Variants in CALD1 observed in about 807,000 individuals in gnomAD.
The protein encoded by CALD1 is caldesmon.
A neutral mutation model predicts 99.9 loss-of-function variants in CALD1; 33 were observed. That is an observed-to-expected ratio of 0.33 (90% CI 0.25 to 0.44). The LOEUF (loss-of-function observed/expected upper bound fraction) is 0.44, where lower values mean the gene tolerates loss of function less well. Ranked by LOEUF, CALD1 falls within the 20% of genes least tolerant of loss-of-function variation. CALD1 has a pLI of 1.00. For missense variants in CALD1, 861 were observed against 962.1 expected (o/e 0.89, Z 1.39); for synonymous variants, 310 against 325.0 (o/e 0.95, Z 0.50).
At chr7:134,966,635 T>C (rs866638583) in intron 14 of CALD1, among the ~76,000 whole-genome samples, 5 of 152,190 alleles carry the variant, frequency 3.3e-5, no homozygotes, top group African/African-American at 7.2e-5. Flanking sequence ...ATAGCCTGCA[T>C]TGATACTCCA....
upstream of CALD1, among the ~76,000 whole-genome samples, chr7:134,742,638 G>A (rs1056743704): frequency 6.6e-6 from 1 of 152,200 alleles, no homozygotes; most frequent in Non-Finnish European, 1.5e-5. Context: ...ACCGCAGGCA[G>A]CCCTGAAAGC....
rs1453157508 is a variant in CALD1 at position 134,960,032 on chromosome 7, A to C, written c.2120A>C (p.Glu707Ala). Residue 707 changes from glutamate (E) to alanine (A), a missense_variant, in exon 12 of 15, where the codon GAA becomes GCA. By Grantham distance (107) the Glu-to-Ala change is moderately radical (BLOSUM62 -1). Transcript: ENST00000361675. ...GCCTCGGATCTTCCTGTTCCTGCTG[A>C]AGGTGTACGCAACATCAAGAGTATG... ...PAASDLPVPAEGVRNIKSMWE... is the reference protein window; with the variant it reads ...PAASDLPVPAAGVRNIKSMWE... 6.2e-7 allele frequency: 1 copy of C among 1,614,164 alleles called. No homozygotes were observed. The highest frequency in any genetic ancestry group is 1.1e-5 in the South Asian group (1 of 91,078).
Position 134,797,160 on chromosome 7 carries a change from T to G in CALD1, c.-130+17411T>G, listed in dbSNP as rs2131817045. Among the ~76,000 whole-genome samples, 3 of 152,304 alleles carry G rather than the reference T, an allele frequency of 2.0e-5. No individual in the cohort carries two copies. In the Middle Eastern group the frequency reaches 0.01, roughly 518 times the overall value. On this transcript the variant is annotated intron_variant, in intron 1 of 14. Transcript: ENST00000361675. ...ACACTTGGCTAGTTTAAAAACTTTA[T>G]TTTTTGTAGAGACGAGGTTTCATTA... is the stretch of plus-strand genomic sequence containing the variant.
intron 1 of CALD1, among the ~76,000 whole-genome samples, chr7:134,790,082 GGA>G (rs56962467): frequency 5.2e-4 from 74 of 142,270 alleles, no homozygotes; most frequent in Middle Eastern, 3.5e-3. Context: ...AAAGAAATAA[GGA>G]GAGAGAGAGA....
At chr7:134,731,708 C>T in the CALD1 span, among the ~76,000 whole-genome samples, 4 of 151,980 alleles carry the variant, frequency 2.6e-5, no homozygotes, top group Admixed American at 2.0e-4. Context: ...CTGCTATTGA[C>T]CTTTTTTTGC....
At chr7:134,789,955 A>G (rs1272727007) in intron 1 of CALD1, among the ~76,000 whole-genome samples, 1 of 151,524 alleles carries the variant, frequency 6.6e-6, no homozygotes, top group Non-Finnish European at 1.5e-5. Context: ...AAATCATTTT[A>G]TCTAGTATAG....
chr7:134,756,308 AC>A (rs1482640010), intron 1 of CALD1, among the ~76,000 whole-genome samples: 3 of 149,158 alleles, frequency 2.0e-5, no homozygotes, highest in East Asian at 3.9e-4. Flanking sequence ...ATTAAAAAAA[AC>A]CTAAAACTAA....
chr7:134,853,107 T>G (rs1800147730), intron 2 of CALD1, among the ~76,000 whole-genome samples: 1 of 152,154 alleles, frequency 6.6e-6, no homozygotes, highest in Admixed American at 6.5e-5. Flanking sequence ...GAAGTTAATG[T>G]CTTAACGTGG....
At chr7:134,917,930 T>G (rs1214474224) in intron 3 of CALD1, among the ~76,000 whole-genome samples, 1 of 152,230 alleles carries the variant, frequency 6.6e-6, no homozygotes, top group Non-Finnish European at 1.5e-5. Flanking sequence ...AATAGATATC[T>G]TCTCCACCAT....
chr7:134,920,440 G>C (rs561288361), intron 3 of CALD1: 36 of 935,134 alleles, frequency 3.8e-5, no homozygotes, highest in Non-Finnish European at 4.5e-5. Flanking sequence ...AACCAATAAT[G>C]ATGGGAATCA....
chr7:134,828,104 T>A (rs897140443), intron 1 of CALD1, among the ~76,000 whole-genome samples: 4 of 152,234 alleles, frequency 2.6e-5, no homozygotes, highest in Non-Finnish European at 4.4e-5. Flanking sequence ...GGCACTTTTC[T>A]TACTAAAAAG....
intron 3 of CALD1, among the ~76,000 whole-genome samples, chr7:134,895,742 G>A (rs1311728444): frequency 1.3e-5 from 2 of 152,176 alleles, no homozygotes; most frequent in African/African-American, 2.4e-5. Flanking sequence ...GTAGGCCAAA[G>A]TGTTAAATAT....
chr7:134,841,332 T>C (rs1799639501), intron 1 of CALD1, among the ~76,000 whole-genome samples: 1 of 152,252 alleles, frequency 6.6e-6, no homozygotes, highest in Non-Finnish European at 1.5e-5. Flanking sequence ...AGACAATTAA[T>C]AATGTGTTAT....
intron 1 of CALD1, among the ~76,000 whole-genome samples, chr7:134,787,195 T>C (rs1797339704): frequency 6.6e-6 from 1 of 152,174 alleles, no homozygotes; most frequent in Non-Finnish European, 1.5e-5. Context: ...TAGTTTTGCT[T>C]TTTTTTCAGT....
the CALD1 span, among the ~76,000 whole-genome samples, chr7:134,727,164 C>T: frequency 1.3e-4 from 20 of 152,296 alleles, no homozygotes; most frequent in East Asian, 2.7e-3. Context: ...TTCTGGAAAC[C>T]TGAAGAGGGT....
intron 1 of CALD1, among the ~76,000 whole-genome samples, chr7:134,788,452 CA>C (rs1039156799): frequency 9.9e-5 from 15 of 152,212 alleles, no homozygotes; most frequent in African/African-American, 3.1e-4. Flanking sequence ...ACTAGCACAT[CA>C]CTGACCCTAA....
In CALD1 at chr7:134,867,680, T is replaced by A. The variant is rs772375500; in HGVS notation, c.-41-13T>A. Reference sequence around the variant, plus strand: ...AGTTATCAATGATATTGACTCTACCTCCTCTCTTTCAGGTCCAGACATCAT... The same window carrying A: ...AGTTATCAATGATATTGACTCTACCACCTCTCTTTCAGGTCCAGACATCAT... On this transcript the variant is annotated splice_polypyrimidine_tract_variant and intron_variant, in intron 2 of 14. Coordinates refer to ENST00000361675, the MANE Select transcript of CALD1 (RefSeq NM_033138.4). 6 of 1,051,098 alleles carry A rather than the reference T, an allele frequency of 5.7e-6. No homozygotes were observed. Among genetic ancestry groups the A allele is most frequent in the Non-Finnish European group, 7.3e-6 (5 of 688,514 alleles). 65.1% of individuals were successfully genotyped at this position (1,051,098 alleles called of 1,614,324 possible).
At chr7:134,855,219 G>C (rs1021727806) in intron 2 of CALD1, among the ~76,000 whole-genome samples, 1 of 152,190 alleles carries the variant, frequency 6.6e-6, no homozygotes, top group Non-Finnish European at 1.5e-5. Flanking sequence ...AGGTGTTTTG[G>C]TGCTCAACAG....
At chr7:134,953,674 T>G (rs1807548012) in intron 9 of CALD1, among the ~76,000 whole-genome samples, 1 of 149,400 alleles carries the variant, frequency 6.7e-6, no homozygotes, top group Non-Finnish European at 1.5e-5. Flanking sequence ...TTTTTGTTTT[T>G]TTTTTTCAGG....
Sources: allele counts gnomAD v4.1 joint callset (sites outside exome capture counted in the v4.1 genomes callset), GRCh38; gene constraint gnomAD v4.1.1; transcripts MANE v1.5; gene names NCBI Gene and HGNC (gene_info 2026-07-23, HGNC 2026-07-21).